The following WWC1 variants were observed in gnomAD, a reference collection of about 807,000 sequenced individuals.
WWC1 encodes the protein protein KIBRA.
Under a neutral mutation model 138.4 loss-of-function variants are expected in WWC1, and 55 were observed. That is an observed-to-expected ratio of 0.40 (90% CI 0.32 to 0.50). The LOEUF is 0.50. WWC1 is among the 20% of genes least tolerant of loss of function. The pLI, the probability that WWC1 is intolerant of heterozygous loss-of-function variation, is 0.72. For missense variants in WWC1, 1,226 were observed against 1,420.4 expected (o/e 0.86, Z 2.20); for synonymous variants, 524 against 564.9 (o/e 0.93, Z 1.03).
chr5:168,427,548 A>ATTTTTTTTTTT (rs34177139), intron 11 of WWC1, among the ~76,000 whole-genome samples: 15 of 101,140 alleles, frequency 1.5e-4, no homozygotes, highest in Non-Finnish European at 2.2e-4. Flanking sequence ...CTTTTTTTTA[A>ATTTTTTTTTTT]TTTTTTTTTT....
intron 11 of WWC1, among the ~76,000 whole-genome samples, chr5:168,425,871 C>T (rs746050687): frequency 1.6e-4 from 24 of 152,148 alleles, no homozygotes; most frequent in Non-Finnish European, 2.9e-4. Flanking sequence ...AGGTTAGTCC[C>T]ACAGAGTGAA....
At chr5:168,406,386 GC>G (rs1021143470) in intron 6 of WWC1, 59 bp downstream of exon 6, 1 of 1,602,422 alleles carries the variant, frequency 6.2e-7, no homozygotes, top group African/African-American at 1.3e-5. Context: ...ATTCCTGTAT[GC>G]CAGTCGTATG....
Position 168,362,523 on chromosome 5 carries a change from C to T in WWC1, c.120-8901C>T, listed in dbSNP as rs180680579. Among the ~76,000 whole-genome samples, 8 of 152,264 alleles carry T rather than the reference C, an allele frequency of 5.3e-5. No homozygotes were observed. In the South Asian group the frequency reaches 8.3e-4, roughly 16 times the overall value. The stretch of plus-strand genomic sequence containing the variant: ...AGTGCATCCAGACAGTGCCTGTCCC[C>T]AAAGGTGTGCTAAGTCCGTTTTTAA... On this transcript the variant is annotated intron_variant, in intron 1 of 22. Coordinates refer to ENST00000265293, the MANE Select transcript of WWC1 (RefSeq NM_015238.3).
chr5:168,452,811 T>C (rs777537819), intron 17 of WWC1, among the ~76,000 whole-genome samples: 6 of 152,056 alleles, frequency 3.9e-5, no homozygotes, highest in Non-Finnish European at 5.9e-5. Context: ...TCCTCCTCCT[T>C]TTCCTCAACC....
intron 11 of WWC1, among the ~76,000 whole-genome samples, chr5:168,424,597 T>A (rs1781366152): frequency 6.6e-6 from 1 of 152,110 alleles, no homozygotes; most frequent in African/African-American, 2.4e-5. Flanking sequence ...TTTGAGGGTG[T>A]CTTGAATGGT....
rs746619196 is a variant in WWC1 at position 168,423,620 on chromosome 5, G to C, written c.1362G>C (p.Leu454=). 6.2e-7 allele frequency: 1 copy of C among 1,613,996 alleles called. No homozygotes were observed. Among genetic ancestry groups the C allele is most frequent in the African/African-American group, 1.3e-5 (1 of 74,894 alleles). The part of the protein sequence containing the change: ...SSRGSLVASS[L]DSSTSASFTD... ...GGGGCTCCCTGGTTGCATCCAGCCTGGACTCCTCCACTTCAGCCAGCTTCA... is the reference window on the plus strand; with the variant it reads ...GGGGCTCCCTGGTTGCATCCAGCCTCGACTCCTCCACTTCAGCCAGCTTCA... Residue 454 remains leucine, a synonymous_variant, in exon 11 of 23, where the codon CTG becomes CTC. Transcript: ENST00000265293.
chr5:168,417,090 C>T (rs2003850), intron 9 of WWC1, among the ~76,000 whole-genome samples: 65,791 of 151,840 alleles, frequency 0.43, 15,695 homozygotes, highest in East Asian at 0.77. Flanking sequence ...TGGTCTCAAA[C>T]TCCTGACCTC....
chr5:168,326,326 T>G (rs1391410632), intron 1 of WWC1, among the ~76,000 whole-genome samples: 1 of 149,354 alleles, frequency 6.7e-6, no homozygotes, highest in Non-Finnish European at 1.5e-5. Flanking sequence ...CAAGCGACTC[T>G]CCTGCCCCAG....
At chr5:168,347,301 A>G (rs1026982154) in intron 1 of WWC1, among the ~76,000 whole-genome samples, 1 of 152,186 alleles carries the variant, frequency 6.6e-6, no homozygotes, top group Admixed American at 6.5e-5. Flanking sequence ...GCAGACCTCA[A>G]GAAGGAGGCA....
chr5:168,448,297 A>G (rs970067772), intron 17 of WWC1, among the ~76,000 whole-genome samples: 7 of 152,010 alleles, frequency 4.6e-5, no homozygotes, highest in African/African-American at 1.7e-4. Context: ...GTCTGTTCCA[A>G]TTTACAGTCC....
intron 1 of WWC1, among the ~76,000 whole-genome samples, chr5:168,331,982 C>G (rs1483462498): frequency 1.3e-5 from 2 of 151,998 alleles, no homozygotes; most frequent in Non-Finnish European, 2.9e-5. Flanking sequence ...CCCATCTCTA[C>G]TAAACATACA....
At chr5:168,366,124 G>C (rs1034757959) in intron 1 of WWC1, among the ~76,000 whole-genome samples, 2 of 152,176 alleles carry the variant, frequency 1.3e-5, no homozygotes, top group Admixed American at 1.3e-4. Context: ...TGGGGGACGG[G>C]GGGTGGCTGG....
At chr5:168,468,915 A>G in intron 22 of WWC1, 36 bp from the exon 23 acceptor site, 8 of 1,610,894 alleles carry the variant, frequency 5.0e-6, no homozygotes, top group Non-Finnish European at 5.9e-6. Flanking sequence ...AGCGAGGTTG[A>G]AAACCCCTGC....
intron 1 of WWC1, among the ~76,000 whole-genome samples, chr5:168,323,696 T>C (rs949702141): frequency 2.6e-5 from 4 of 151,944 alleles, no homozygotes; most frequent in East Asian, 3.9e-4. Flanking sequence ...GGTAGAGAGA[T>C]TGGAAAAGAA....
intron 1 of WWC1, among the ~76,000 whole-genome samples, chr5:168,305,256 C>T (rs1382901434): frequency 6.6e-6 from 1 of 152,070 alleles, no homozygotes; most frequent in East Asian, 1.9e-4. Context: ...GCATGAGCCA[C>T]TGCGCCTGGC....
At chr5:168,456,235 C>T (rs932778237) in intron 19 of WWC1, among the ~76,000 whole-genome samples, 6 of 152,092 alleles carry the variant, frequency 3.9e-5, no homozygotes, top group African/African-American at 1.4e-4. Flanking sequence ...GCCCAGGAGT[C>T]CAACGCTGCA....
At chr5:168,325,710 G>A (rs115329272) in intron 1 of WWC1, among the ~76,000 whole-genome samples, 2,120 of 152,244 alleles carry the variant, frequency 0.014, 49 homozygotes, top group African/African-American at 0.048. Flanking sequence ...CAACGGTAGA[G>A]TTTAGTGCAT....
intron 1 of WWC1, among the ~76,000 whole-genome samples, chr5:168,325,286 C>T (rs1341836291): frequency 6.6e-6 from 1 of 152,224 alleles, no homozygotes; most frequent in Non-Finnish European, 1.5e-5. Context: ...ACCTGCCAAG[C>T]TCACGTGTGA....
intron 1 of WWC1, among the ~76,000 whole-genome samples, chr5:168,337,864 G>T (rs1188887342): frequency 2.0e-5 from 3 of 152,176 alleles, no homozygotes; most frequent in Admixed American, 2.0e-4. Context: ...AGCTAGCCAT[G>T]CAGGAAGAGG....
Sources: gnomAD v4.1 joint callset for allele counts (sites outside exome capture counted in the v4.1 genomes callset) on GRCh38, gnomAD v4.1.1 for gene constraint, MANE v1.5 for transcripts, NCBI Gene and HGNC (gene_info 2026-07-23, HGNC 2026-07-21) for gene names.